The following RBFOX1 variants were observed in gnomAD, a reference collection of about 807,000 sequenced individuals.
RBFOX1 encodes RNA binding protein fox-1 homolog 1.
RBFOX1 carries 8 observed loss-of-function variants against 57.7 expected under a neutral mutation model. The ratio of observed to expected loss-of-function variants is 0.14; its 90% CI spans 0.08 to 0.25. The LOEUF is 0.25. Among genes scored for constraint, RBFOX1 ranks in the 10% least tolerant of loss-of-function variants. The pLI, the probability that RBFOX1 is intolerant of heterozygous loss-of-function variation, is 1.00. For synonymous variants in RBFOX1, 326 were observed against 222.4 expected (o/e 1.47, Z -4.15); for missense variants, 611 against 548.5 (o/e 1.11, Z -1.14).
At chr16:6,435,668 T>G (rs2094214145) in intron 2 of RBFOX1, among the ~76,000 whole-genome samples, 1 of 152,194 alleles carries the variant, frequency 6.6e-6, no homozygotes, top group Non-Finnish European at 1.5e-5. Context: ...TTTACCCATT[T>G]CCAAGTGGTT....
chr16:6,031,979 C>G (rs773400234), intron 1 of RBFOX1, among the ~76,000 whole-genome samples: 11 of 152,140 alleles, frequency 7.2e-5, no homozygotes, highest in Non-Finnish European at 1.5e-4. Flanking sequence ...TGAATTGTTC[C>G]CTCACTGGCT....
chr16:5,682,265 G>C (rs1001003701), intron 3 of RBFOX1, among the ~76,000 whole-genome samples: 1 of 152,184 alleles, frequency 6.6e-6, no homozygotes, highest in African/African-American at 2.4e-5. Flanking sequence ...CCTTCCCATT[G>C]TGGGAGCACC....
intron 11 of RBFOX1, among the ~76,000 whole-genome samples, chr16:7,650,804 G>A (rs2064884506): frequency 6.6e-6 from 1 of 152,254 alleles, no homozygotes; most frequent in Non-Finnish European, 1.5e-5. Context: ...GTGTTCCTCT[G>A]AAAACTTAAT....
intron 1 of RBFOX1, among the ~76,000 whole-genome samples, chr16:5,260,407 C>G (rs1213027386): frequency 1.3e-5 from 2 of 152,024 alleles, no homozygotes; most frequent in African/African-American, 4.8e-5. Context: ...TCTGATCACA[C>G]AAAATGAGAT....
chr16:7,108,748 G>A (rs568312093), intron 4 of RBFOX1, among the ~76,000 whole-genome samples: 60 of 152,264 alleles, frequency 3.9e-4, no homozygotes, highest in African/African-American at 1.3e-3. Flanking sequence ...ATTTATCTTG[G>A]AGATACACTC....
chr16:7,368,975 G>C (rs1021755941), intron 4 of RBFOX1, among the ~76,000 whole-genome samples: 1 of 152,122 alleles, frequency 6.6e-6, no homozygotes, highest in Non-Finnish European at 1.5e-5. Context: ...TTAACACAAT[G>C]ATCCTGCAGC....
chr16:6,787,384 A>G (rs1281031163), intron 3 of RBFOX1, among the ~76,000 whole-genome samples: 1 of 152,198 alleles, frequency 6.6e-6, no homozygotes, highest in Non-Finnish European at 1.5e-5. Flanking sequence ...AAACGGTGAA[A>G]TGATTAACAT....
intron 3 of RBFOX1, among the ~76,000 whole-genome samples, chr16:6,779,137 A>T (rs1016017431): frequency 6.6e-6 from 1 of 151,976 alleles, no homozygotes; most frequent in Non-Finnish European, 1.5e-5. Flanking sequence ...TTTTGTACCT[A>T]TGAATTTACC....
At chr16:7,693,846 C>T (rs534047937) in intron 14 of RBFOX1, among the ~76,000 whole-genome samples, 6 of 152,192 alleles carry the variant, frequency 3.9e-5, no homozygotes, top group Admixed American at 2.6e-4. Flanking sequence ...ATAATTATCT[C>T]TGTCTTATAA....
chr16:7,162,834 A>G (rs1255557540), intron 4 of RBFOX1, among the ~76,000 whole-genome samples: 4 of 152,154 alleles, frequency 2.6e-5, no homozygotes, highest in Non-Finnish European at 4.4e-5. Flanking sequence ...TTTTGTTGTT[A>G]AAGAATTATA....
intron 4 of RBFOX1, among the ~76,000 whole-genome samples, chr16:7,156,110 A>G (rs2077065293): frequency 1.3e-5 from 2 of 151,992 alleles, no homozygotes; most frequent in Admixed American, 1.3e-4. Context: ...GGGCTTAAGC[A>G]ATCTGCCCAC....
chr16:6,207,173 G>T (rs150185088), intron 1 of RBFOX1, among the ~76,000 whole-genome samples: 2 of 152,228 alleles, frequency 1.3e-5, no homozygotes, highest in East Asian at 1.9e-4. Flanking sequence ...GCTGCTGCTG[G>T]ACTCTTTCGT....
At chr16:7,176,950 G>A (rs893755734) in intron 4 of RBFOX1, among the ~76,000 whole-genome samples, 9 of 152,070 alleles carry the variant, frequency 5.9e-5, no homozygotes, top group African/African-American at 2.2e-4. Context: ...TTATAGTATC[G>A]CTTTAGTAAT....
intron 4 of RBFOX1, among the ~76,000 whole-genome samples, chr16:7,480,994 T>C (rs768633924): frequency 6.6e-6 from 1 of 152,196 alleles, no homozygotes; most frequent in Admixed American, 6.5e-5. Context: ...CTACCTGCCA[T>C]GCATGATATC....
intron 2 of RBFOX1, among the ~76,000 whole-genome samples, chr16:5,473,977 C>T (rs140486441): frequency 0.014 from 2,137 of 150,910 alleles, 28 homozygotes; most frequent in Non-Finnish European, 0.02. Flanking sequence ...ATGGATGGTA[C>T]ACAGATGGAT....
intron 2 of RBFOX1, among the ~76,000 whole-genome samples, chr16:6,391,673 T>A (rs939421570): frequency 6.6e-6 from 1 of 152,078 alleles, no homozygotes; most frequent in Non-Finnish European, 1.5e-5. Flanking sequence ...GTGATAGTCA[T>A]GGGAAGAAAG....
At chr16:6,211,227 A>ATTTTTTTTT (rs140569689) in intron 1 of RBFOX1, among the ~76,000 whole-genome samples, 1 of 105,250 alleles carries the variant, frequency 9.5e-6, no homozygotes. Context: ...AATCTAGTTA[A>ATTTTTTTTT]CTTTTTTTTT....
At chr16:5,645,638 T>G (rs569053796) in intron 3 of RBFOX1, among the ~76,000 whole-genome samples, 11 of 152,336 alleles carry the variant, frequency 7.2e-5, no homozygotes, top group Admixed American at 3.3e-4. Context: ...TTGGGAAAGA[T>G]TCTGTGTGTG....
At position 6,825,103 on chromosome 16, in the gene RBFOX1, TCTC is replaced by T. The variant is rs2091950461; in HGVS notation, c.-16+170456_-16+170458del. ...CCCCTGTCACCCTGGTTCAAACAAT[TCTC>T]CTGCCTCAGCCTCCCAAGTAGCTAG... On this transcript the variant is annotated intron_variant, in intron 3 of 15. Transcript: ENST00000550418. 3.4e-5 allele frequency among the ~76,000 whole-genome samples: 5 copies of T among 145,616 alleles called. No homozygotes were observed. The South Asian group carries it at 1.2e-3, about 34-fold the overall frequency.
Sources: allele counts gnomAD v4.1 joint callset (sites outside exome capture counted in the v4.1 genomes callset), GRCh38; gene constraint gnomAD v4.1.1; transcripts MANE v1.5; gene names NCBI Gene and HGNC (gene_info 2026-07-23, HGNC 2026-07-21).